Variants in HHLA2 observed in about 807,000 individuals in gnomAD.
The protein encoded by HHLA2 is HHLA2 member of B7 family.
In HHLA2, 48 loss-of-function variants were observed where a neutral mutation model predicts 45.9. The ratio of observed to expected loss-of-function variants is 1.05; its 90% confidence interval spans 0.83 to 1.33. The LOEUF (loss-of-function observed/expected upper bound fraction) is 1.33, where lower values mean the gene tolerates loss of function less well. Among genes scored for constraint, HHLA2 ranks in the 40% most tolerant of loss-of-function variants. HHLA2 has a pLI of 0.00. For synonymous variants in HHLA2, 161 were observed against 173.9 expected (o/e 0.93, Z 0.59); for missense variants, 462 against 494.3 (o/e 0.93, Z 0.62).
chr3:108,346,991 C>A (rs184158179), intron 3 of HHLA2, among the ~76,000 whole-genome samples: 16 of 152,250 alleles, frequency 1.1e-4, no homozygotes, highest in Admixed American at 1.0e-3. Flanking sequence ...CCTCTCTCTG[C>A]CTTTCTCCCT....
intron 2 of HHLA2, among the ~76,000 whole-genome samples, chr3:108,312,186 C>T (rs72937753): frequency 0.015 from 2,280 of 152,338 alleles, 54 homozygotes; most frequent in African/African-American, 0.052. Context: ...TCACCAGTTC[C>T]TTCTTCTGTT....
At chr3:108,377,566 C>T (rs1224420782) in exon 11 of HHLA2, 2 of 374,100 alleles carry the variant, frequency 5.3e-6, no homozygotes. Flanking sequence ...CTGTTACAGT[C>T]AGCCCAGGAG....
At chr3:108,374,074 A>C (rs914430931) in intron 8 of HHLA2, among the ~76,000 whole-genome samples, 1 of 151,440 alleles carries the variant, frequency 6.6e-6, no homozygotes, top group Non-Finnish European at 1.5e-5. Flanking sequence ...CCTGACTTCA[A>C]ACCATACTAC....
chr3:108,344,985 C>T (rs923225787), intron 3 of HHLA2, among the ~76,000 whole-genome samples: 1 of 152,192 alleles, frequency 6.6e-6, no homozygotes, highest in African/African-American at 2.4e-5. Flanking sequence ...CTGGACTTTA[C>T]CCCACCTTGT....
At chr3:108,349,260 G>C (rs2081731870) in intron 3 of HHLA2, among the ~76,000 whole-genome samples, 1 of 150,758 alleles carries the variant, frequency 6.6e-6, no homozygotes, top group Non-Finnish European at 1.5e-5. Context: ...GACTAATAAA[G>C]AAGAAAAGAG....
chr3:108,354,430 A>G (rs1173336148), intron 5 of HHLA2, among the ~76,000 whole-genome samples: 2 of 151,902 alleles, frequency 1.3e-5, no homozygotes, highest in Non-Finnish European at 2.9e-5. Context: ...GTTACATTGA[A>G]CCAAACAGGT....
At chr3:108,329,991 A>C (rs2081355823) in intron 3 of HHLA2, among the ~76,000 whole-genome samples, 1 of 152,144 alleles carries the variant, frequency 6.6e-6, no homozygotes, top group Admixed American at 6.5e-5. Flanking sequence ...GGTGTCCATC[A>C]TCTGAAGGAG....
intron 7 of HHLA2, among the ~76,000 whole-genome samples, chr3:108,359,665 G>A (rs900379146): frequency 3.9e-5 from 6 of 152,200 alleles, no homozygotes; most frequent in African/African-American, 1.4e-4. Context: ...TGAGGGTCAC[G>A]AGTACAGTGA....
chr3:108,352,994 T>G (rs1239988941), intron 4 of HHLA2, among the ~76,000 whole-genome samples: 3 of 152,244 alleles, frequency 2.0e-5, no homozygotes, highest in Admixed American at 6.5e-5. Context: ...GCTGAGTTTA[T>G]TCCATTCTTT....
intron 10 of HHLA2, chr3:108,376,883 T>C: frequency 3.0e-6 from 1 of 335,788 alleles, no homozygotes; most frequent in South Asian, 5.0e-5. Context: ...AACATGGGAT[T>C]GTATACAAGT....
Position 108,371,491 on chromosome 3 carries a change from T to C in HHLA2, c.1109-4259T>C, listed in dbSNP as rs531946209. Among the ~76,000 whole-genome samples the C allele has an allele frequency of 2.0e-5, 3 of 152,298 alleles. No individual in the cohort carries two copies. In the South Asian group the frequency reaches 6.2e-4, roughly 32 times the overall value. On this transcript the variant is annotated intron_variant, in intron 8 of 10. Transcript: ENST00000619531. ...CATATAACAATATTAACCTTAAATGTAAATGGGCTAAATGCTCCAATTAAA... is the reference window on the plus strand; with the variant it reads ...CATATAACAATATTAACCTTAAATGCAAATGGGCTAAATGCTCCAATTAAA...
chr3:108,363,408 C>T (rs137901219), intron 8 of HHLA2, among the ~76,000 whole-genome samples: 5 of 152,244 alleles, frequency 3.3e-5, no homozygotes, highest in Non-Finnish European at 7.4e-5. Context: ...TCTGGGTGTC[C>T]TGGGAACTTG....
chr3:108,310,286 A>G (rs1436355262), intron 1 of HHLA2, among the ~76,000 whole-genome samples: 1 of 152,186 alleles, frequency 6.6e-6, no homozygotes, highest in African/African-American at 2.4e-5. Flanking sequence ...TTACATGAAT[A>G]AAAAGCAATT....
chr3:108,375,661 A>G, intron 8 of HHLA2, 89 bp from the exon 8 acceptor site: 1 of 1,472,614 alleles, frequency 6.8e-7, no homozygotes, highest in Non-Finnish European at 9.1e-7. Context: ...CTTTCAATTG[A>G]AGGACAGAGC....
chr3:108,331,524 TA>T (rs2081385234), intron 3 of HHLA2, among the ~76,000 whole-genome samples: 1 of 152,150 alleles, frequency 6.6e-6, no homozygotes, highest in African/African-American at 2.4e-5. Flanking sequence ...CTACCTCATA[TA>T]ATCACATGCC....
chr3:108,375,479 T>G (rs1417271318), intron 8 of HHLA2, among the ~76,000 whole-genome samples: 1 of 151,370 alleles, frequency 6.6e-6, no homozygotes, highest in Non-Finnish European at 1.5e-5. Context: ...AAAAGAATAA[T>G]AATAATACAA....
chr3:108,331,854 C>G (rs1457013151), intron 3 of HHLA2, among the ~76,000 whole-genome samples: 1 of 152,136 alleles, frequency 6.6e-6, no homozygotes, highest in Non-Finnish European at 1.5e-5. Flanking sequence ...CTGCCTCCCC[C>G]TCCCCATTCT....
chr3:108,340,431 G>A (rs964380279), intron 3 of HHLA2, among the ~76,000 whole-genome samples: 7 of 152,074 alleles, frequency 4.6e-5, no homozygotes, highest in Admixed American at 2.6e-4. Flanking sequence ...TCCCTCTCTC[G>A]CCTAAATTTG....
intron 1 of HHLA2, among the ~76,000 whole-genome samples, chr3:108,310,301 A>C (rs938405886): frequency 6.6e-6 from 1 of 152,158 alleles, no homozygotes; most frequent in African/African-American, 2.4e-5. Flanking sequence ...GCAATTATAC[A>C]TTTTACATAT....
Sources: allele counts gnomAD v4.1 joint callset (sites outside exome capture counted in the v4.1 genomes callset), GRCh38; gene constraint gnomAD v4.1.1; transcripts MANE v1.5; gene names NCBI Gene and HGNC (gene_info 2026-07-23, HGNC 2026-07-21).